Variants in RORC observed in about 807,000 individuals in gnomAD.
RORC encodes RAR related orphan receptor C, also known as nuclear receptor ROR-gamma.
RORC carries 13 observed loss-of-function variants against 64.5 expected under a neutral mutation model. The observed-to-expected ratio is 0.20, with a 90% confidence interval of 0.13 to 0.32. The LOEUF (loss-of-function observed/expected upper bound fraction) is 0.32. RORC is among the 10% of genes least tolerant of loss of function. The probability of loss-of-function intolerance (pLI) is 1.00; values close to 1 mark genes in which losing one functional copy is unlikely to be tolerated. For missense variants in RORC, 468 were observed against 669.5 expected, an observed-to-expected ratio of 0.70 and a Z score of 3.32; for synonymous variants, 277 against 259.3, an observed-to-expected ratio of 1.07 and a Z score of -0.65.
intron 6 of RORC, 136 bp from the exon 7 acceptor site, chr1:151,813,756 C>T (rs1651634562): frequency 1.0e-6 from 1 of 965,918 alleles, no homozygotes. Flanking sequence ...TTTCAAAAGC[C>T]TGGTCTTAGC....
Position 151,813,000 on chromosome 1 carries a change from TG to T in RORC, c.1231del (p.His411ThrfsTer29). The T allele has an allele frequency of 6.2e-7, 1 of 1,614,050 alleles. No homozygotes were observed. The highest frequency in any genetic ancestry group is 8.5e-7 in the Non-Finnish European group (1 of 1,179,960). On this transcript the variant is annotated frameshift_variant, in exon 9 of 11. Coordinates refer to ENST00000318247, the MANE Select transcript of RORC (RefSeq NM_005060.4). LOFTEE classifies it high-confidence loss of function. ...GAGGGCAATCTCATCCTCGGAAAAG[TG>T]CAAGGCACTTAGGGAGTGGGAGAAG... ...FDFSHSLSAL[H>X]FSEDEIALYT... is the part of the protein sequence containing the mutation.
intron 2 of RORC, among the ~76,000 whole-genome samples, chr1:151,826,656 T>C (rs2101675938): frequency 6.6e-6 from 1 of 152,212 alleles, no homozygotes; most frequent in Non-Finnish European, 1.5e-5. Flanking sequence ...ATACCCACAA[T>C]CCACAGAAGG....
At position 151,806,605 on chromosome 1, in the gene RORC, A is replaced by C. The variant is rs200831436; in HGVS notation, c.*867T>G. The C allele has an allele frequency of 6.6e-6, 1 of 152,224 alleles. No individual in the cohort carries two copies. The allele number at this position is 152,224 out of a possible 1,614,324, so 9.4% of individuals were successfully genotyped here. ...TCCCCTGAGGCCTCTAGGCTCCTCC[A>C]AGCTGTGGCCTCAAGGATAAGAGAG... On this transcript the variant is annotated 3_prime_UTR_variant, in exon 11 of 11. Transcript: ENST00000318247.
Position 151,830,979 on chromosome 1 carries a change from G to A in RORC, c.40+746C>T, listed in dbSNP as rs1015694554. 12 of 1,289,176 alleles carry A rather than the reference G, an allele frequency of 9.3e-6. No individual in the cohort carries two copies. In the African/African-American group the frequency reaches 1.8e-4, roughly 20 times the overall value. The allele number at this position is 1,289,176 out of a possible 1,614,324, so 79.9% of individuals were successfully genotyped here. ...GGTGGCCCTGGAGCTTGGTGGCTCTGGCCCTCAAACTTTCCTCCTCCATGC... is the reference window on the plus strand; with the variant it reads ...GGTGGCCCTGGAGCTTGGTGGCTCTAGCCCTCAAACTTTCCTCCTCCATGC... On this transcript the variant is annotated intron_variant, in intron 1 of 10. Transcript: ENST00000318247. The surrounding 1 kb of genome is among the most constrained non-coding windows in gnomAD (Gnocchi z 4.0).
chr1:151,814,747 A>G, intron 5 of RORC, 52 bp from the exon 6 acceptor site: 1 of 1,579,910 alleles, frequency 6.3e-7, no homozygotes, highest in Non-Finnish European at 8.6e-7. Context: ...TCCTACGCCT[A>G]CCCATGCAAG....
rs748412163 is a variant in RORC, at chr1:151,817,204, C to T, written c.147G>A (p.Glu49=). The change falls in exon 3 of 11, where the codon GAG becomes GAA. Residue 49 remains glutamate, a synonymous_variant. Transcript: ENST00000318247. ...CATGCCTATGACTCACCTTGCACCCCTCACAGGTGATAACCCCGTAGTGGA... is the reference window on the plus strand; with the variant it reads ...CATGCCTATGACTCACCTTGCACCCTTCACAGGTGATAACCCCGTAGTGGA... ...SGIHYGVITC[E]GCKGFFRRSQ... is the part of the protein sequence containing the mutation. The T allele has an allele frequency of 6.2e-7, 1 of 1,613,642 alleles. No individual in the cohort carries two copies. Among genetic ancestry groups the T allele is most frequent in the Non-Finnish European group, 8.5e-7 (1 of 1,179,518 alleles).
At chr1:151,821,793 TG>T (rs1652002781) in intron 2 of RORC, among the ~76,000 whole-genome samples, 3 of 151,812 alleles carry the variant, frequency 2.0e-5, no homozygotes, top group Admixed American at 1.3e-4. Context: ...AAGTGTGAGG[TG>T]ATTGTGGTGG....
Position 151,820,028 on chromosome 1 carries a change from G to A in RORC, c.71-2748C>T, listed in dbSNP as rs1386109135. On this transcript the variant is annotated intron_variant, in intron 2 of 10. Coordinates refer to ENST00000318247, the MANE Select transcript of RORC (RefSeq NM_005060.4). ...AAACAGAGACATAGATCTAGGGATG[G>A]AGAGACGGCTGCGGAAACACTGAAA... Among the ~76,000 whole-genome samples the A allele has an allele frequency of 2.6e-5, 4 of 152,280 alleles. No homozygotes were observed. In the East Asian group the frequency reaches 7.7e-4, roughly 29 times the overall value.
chr1:151,816,874 A>C, intron 3 of RORC, 69 bp from the exon 4 acceptor site: 2 of 1,423,408 alleles, frequency 1.4e-6, no homozygotes, highest in East Asian at 5.1e-5. Flanking sequence ...AAAGGCCTCC[A>C]GCCCACAAGC....
chr1:151,830,623 C>CAT lies in RORC; in HGVS notation c.40+1101_40+1102insAT, dbSNP rs1252049143. ...CTGTTCAGTCTTGACACCTGACATA[C>CAT]ACACACACACACACACACACACACA... On this transcript the variant is annotated intron_variant, in intron 1 of 10. Coordinates refer to ENST00000318247, the MANE Select transcript of RORC (RefSeq NM_005060.4). This position sits in a 1 kb window ranked among gnomAD's most constrained non-coding sequence, Gnocchi z 4.0. 3.7e-5 allele frequency among the ~76,000 whole-genome samples: 4 copies of CAT among 109,204 alleles called. No homozygotes were observed. Among genetic ancestry groups the CAT allele is most frequent in the Admixed American group, 1.7e-4 (2 of 11,462 alleles). The allele number at this position is 109,204 out of a possible 152,430, so 71.6% of individuals were successfully genotyped here.
At chr1:151,810,721 T>TG (rs1280001538) in intron 10 of RORC, among the ~76,000 whole-genome samples, 1 of 152,072 alleles carries the variant, frequency 6.6e-6, no homozygotes, top group Non-Finnish European at 1.5e-5. Context: ...TTAGTAGAGA[T>TG]GGGGTTTCAC....
chr1:151,824,422 C>T (rs1170783660), intron 2 of RORC, among the ~76,000 whole-genome samples: 1 of 152,180 alleles, frequency 6.6e-6, no homozygotes, highest in African/African-American at 2.4e-5. Flanking sequence ...GGTTGATTTG[C>T]TCATTAGGGG....
chr1:151,816,208 C>A (rs1354801263), intron 4 of RORC, among the ~76,000 whole-genome samples: 1 of 152,186 alleles, frequency 6.6e-6, no homozygotes, highest in African/African-American at 2.4e-5. Context: ...AGCCCTCCCC[C>A]ACGACCACCC....
At chr1:151,827,973 C>T (rs1013546625) in intron 2 of RORC, among the ~76,000 whole-genome samples, 5 of 151,968 alleles carry the variant, frequency 3.3e-5, no homozygotes, top group African/African-American at 4.8e-5. Flanking sequence ...CCAGCTCACC[C>T]GCGTCACTCC....
chr1:151,822,542 C>A (rs905521261), intron 2 of RORC, among the ~76,000 whole-genome samples: 1 of 152,224 alleles, frequency 6.6e-6, no homozygotes, highest in African/African-American at 2.4e-5. Context: ...TCCGCCACCC[C>A]CACAGTCTGG....
Position 151,814,584 on chromosome 1 carries a change from T to A in RORC, c.923A>T (p.Tyr308Phe). Residue 308 changes from tyrosine (Y) to phenylalanine (F), a missense_variant, in exon 6 of 11, where the codon TAC (tyrosine) becomes TTC (phenylalanine). Physicochemically the swap from Tyr to Phe is conservative, Grantham distance 22. Coordinates refer to ENST00000318247, the MANE Select transcript of RORC (RefSeq NM_005060.4). ...GTCTCCTGGCCTCACCTTCCTCTGG[T>A]AGCCAGTCACTTCCTCCCGGGAGAA... is the stretch of plus-strand genomic sequence containing the variant. ...NIFSREEVTGYQRKSMWEMWE... is the reference protein window; with the variant it reads ...NIFSREEVTGFQRKSMWEMWE... 6.2e-7 allele frequency: 1 copy of A among 1,612,030 alleles called. No individual in the cohort carries two copies. Among genetic ancestry groups the A allele is most frequent in the African/African-American group, 1.3e-5 (1 of 75,000 alleles).
At chr1:151,811,565 C>T (rs1651534074) in intron 9 of RORC, 131 bp from the exon 10 acceptor site, 1 of 544,972 alleles carries the variant, frequency 1.8e-6, no homozygotes. Context: ...CATGTGTGTG[C>T]CTTGGTTTGA....
At chr1:151,819,883 TC>T (rs1469082074) in intron 2 of RORC, among the ~76,000 whole-genome samples, 2 of 151,770 alleles carry the variant, frequency 1.3e-5, no homozygotes, top group Non-Finnish European at 2.9e-5. Flanking sequence ...TCCTCCATCC[TC>T]CCAGTCCAAG....
At chr1:151,822,291 G>A (rs552356194) in intron 2 of RORC, among the ~76,000 whole-genome samples, 6 of 150,212 alleles carry the variant, frequency 4.0e-5, no homozygotes, top group Admixed American at 3.3e-4. Flanking sequence ...CACCACAGGG[G>A]AGCAGGAGCG....
Sources: allele counts gnomAD v4.1 joint callset (sites outside exome capture counted in the v4.1 genomes callset), GRCh38; gene constraint gnomAD v4.1.1; non-coding constraint Gnocchi (gnomAD v3.1); transcripts MANE v1.5; gene names NCBI Gene and HGNC (gene_info 2026-07-23, HGNC 2026-07-21).